TMEM50B: variants seen among roughly 807,000 people sequenced by gnomAD.
TMEM50B encodes transmembrane protein 50B.
TMEM50B carries 14 observed loss-of-function variants against 23.4 expected under a neutral mutation model. That is an observed-to-expected ratio of 0.60 (90% CI 0.39 to 0.93). The LOEUF (loss-of-function observed/expected upper bound fraction) is 0.93. Ranked by LOEUF, TMEM50B falls within the 40% of genes least tolerant of loss-of-function variation. The probability of loss-of-function intolerance (pLI) is 0.00; values close to 1 mark genes in which losing one functional copy is unlikely to be tolerated. For synonymous variants in TMEM50B, 64 were observed against 62.3 expected, an observed-to-expected ratio of 1.03 and a Z score of -0.13; for missense variants, 159 against 193.0, an observed-to-expected ratio of 0.82 and a Z score of 1.04.
At position 33,479,855 on chromosome 21, in the gene TMEM50B, C is replaced by T. The variant is rs1171761130; in HGVS notation, c.-59G>A. The T allele has an allele frequency of 6.6e-6, 1 of 152,342 alleles. No individual in the cohort carries two copies. The highest frequency in any genetic ancestry group is 2.4e-5 in the African/African-American group (1 of 41,568). The allele number at this position is 152,342 out of a possible 1,614,324, so 9.4% of individuals were successfully genotyped here. A position where few individuals can be genotyped will look rare whatever the true frequency, so the allele number is the denominator to read the frequency against. ...GGACTCACCCAGCTTCCTCAAACGC[C>T]CACGCCGACTTCAGGCGCGCGCGCA... On this transcript the variant is annotated 5_prime_UTR_variant, in exon 1 of 7. Transcript: ENST00000542230.
chr21:33,448,399 C>T (rs1219497030), downstream of TMEM50B, among the ~76,000 whole-genome samples: 3 of 152,120 alleles, frequency 2.0e-5, no homozygotes, highest in Non-Finnish European at 4.4e-5. Flanking sequence ...GTCAACCTAG[C>T]ACTTTGTGAG....
intron 8 of TMEM50B, chr21:33,436,725 AAAAAT>A: frequency 1.9e-5 from 18 of 964,564 alleles, no homozygotes; most frequent in South Asian, 6.4e-5. Context: ...ATCTCAAAAA[AAAAAT>A]AAAAATAAAA....
intron 6 of TMEM50B, 72 bp from the exon 7 acceptor site, chr21:33,450,935 TA>T: frequency 7.7e-7 from 1 of 1,292,456 alleles, no homozygotes. Context: ...ATTTTCTCAA[TA>T]TGCTTTGACA....
At chr21:33,473,681 C>G (rs1200528534) in intron 1 of TMEM50B, among the ~76,000 whole-genome samples, 1 of 149,812 alleles carries the variant, frequency 6.7e-6, no homozygotes. Flanking sequence ...AAGAAGGTGA[C>G]AGCAATTCTA....
At chr21:33,448,034 C>G (rs749296885), downstream of TMEM50B, among the ~76,000 whole-genome samples, 1 of 151,980 alleles carries the variant, frequency 6.6e-6, no homozygotes, top group Non-Finnish European at 1.5e-5. Context: ...GCTTTGTCAC[C>G]CAAGCTGGAG....
chr21:33,472,029 TA>T lies in TMEM50B; in HGVS notation c.-41-3104del, dbSNP rs34148632. On this transcript the variant is annotated intron_variant, in intron 1 of 6. Coordinates refer to ENST00000542230, the MANE Select transcript of TMEM50B (RefSeq NM_006134.7). ...CCTGGGCAACAGAGCGAGACTCCCC[TA>T]AAAAAAAAAAAAAAGAAAGAAAGAA... Among the ~76,000 whole-genome samples, 499 of 117,828 alleles carry T rather than the reference TA, an allele frequency of 4.2e-3. 4 individuals are homozygous for T. The highest frequency in any genetic ancestry group is 0.029 in the East Asian group (111 of 3,856). 77.3% of individuals were successfully genotyped at this position (117,828 alleles called of 152,430 possible). A position where few individuals can be genotyped will look rare whatever the true frequency, so the allele number is the denominator to read the frequency against.
intron 6 of TMEM50B, among the ~76,000 whole-genome samples, chr21:33,455,106 G>A (rs1404880235): frequency 2.0e-5 from 3 of 151,876 alleles, no homozygotes; most frequent in Non-Finnish European, 4.4e-5. Flanking sequence ...GCTACAGGGT[G>A]AGACTCCCTC....
chr21:33,443,323 T>C (rs544620666), intron 7 of TMEM50B, among the ~76,000 whole-genome samples: 2 of 149,664 alleles, frequency 1.3e-5, no homozygotes, highest in South Asian at 4.2e-4. Flanking sequence ...GTCCTCCAGA[T>C]CCAGACACTT....
chr21:33,449,194 A>T lies in TMEM50B; in HGVS notation c.*1624T>A, dbSNP rs2084094490. On this transcript the variant is annotated 3_prime_UTR_variant, in exon 7 of 7. Transcript: ENST00000542230. ...GGTTATGAGGTGGAAACAAATAATT[A>T]GTCTTACAATTTGCTAGAAGCATGA... 1.3e-5 allele frequency: 2 copies of T among 152,242 alleles called. No homozygotes were observed. The highest frequency in any genetic ancestry group is 4.8e-5 in the African/African-American group (2 of 41,464). 9.4% of individuals were successfully genotyped at this position (152,242 alleles called of 1,614,324 possible). A position where few individuals can be genotyped will look rare whatever the true frequency, so the allele number is the denominator to read the frequency against.
At chr21:33,479,712 G>A (rs1017990771) in intron 1 of TMEM50B, 126 bp downstream of exon 1, 3 of 152,428 alleles carry the variant, frequency 2.0e-5, no homozygotes, top group African/African-American at 7.2e-5. Context: ...AACCCGGCTG[G>A]ACGGCCCCAC....
At chr21:33,436,737 A>T (rs1006847638) in intron 8 of TMEM50B, 6 of 1,020,060 alleles carry the variant, frequency 5.9e-6, no homozygotes, top group African/African-American at 4.6e-5. Flanking sequence ...AAATAAAAAT[A>T]AAAATAAAAT....
intron 7 of TMEM50B, among the ~76,000 whole-genome samples, chr21:33,443,694 A>G (rs1324125160): frequency 6.6e-6 from 1 of 152,198 alleles, no homozygotes; most frequent in Non-Finnish European, 1.5e-5. Flanking sequence ...GGCACAAAGT[A>G]CTGTATCAAT....
chr21:33,460,992 A>G (rs1284784271), intron 4 of TMEM50B, among the ~76,000 whole-genome samples: 2 of 152,234 alleles, frequency 1.3e-5, no homozygotes, highest in Non-Finnish European at 2.9e-5. Flanking sequence ...GAGGCAGCCA[A>G]TCTGTACCAC....
At chr21:33,448,277 G>A (rs199774223), downstream of TMEM50B, among the ~76,000 whole-genome samples, 121 of 152,108 alleles carry the variant, frequency 8.0e-4, 1 homozygote, top group East Asian at 0.016. Context: ...ACAGGCGTGA[G>A]CCCCCACGCC....
At chr21:33,463,380 G>T (rs2084234590) in intron 4 of TMEM50B, among the ~76,000 whole-genome samples, 1 of 152,152 alleles carries the variant, frequency 6.6e-6, no homozygotes, top group Non-Finnish European at 1.5e-5. Context: ...GGTTTAAAAG[G>T]CTATGATACT....
At chr21:33,457,137 C>G (rs1375459100) in intron 5 of TMEM50B, among the ~76,000 whole-genome samples, 1 of 151,032 alleles carries the variant, frequency 6.6e-6, no homozygotes, top group African/African-American at 2.4e-5. Context: ...GGCTGTAATC[C>G]CAGCTACTTG....
At chr21:33,438,593 T>C (rs2083979450) in intron 8 of TMEM50B, among the ~76,000 whole-genome samples, 1 of 151,920 alleles carries the variant, frequency 6.6e-6, no homozygotes, top group Non-Finnish European at 1.5e-5. Flanking sequence ...AGGTCAGGAG[T>C]TCGAGACCAG....
chr21:33,434,612 T>TTAC (rs2083925649), intron 8 of TMEM50B, among the ~76,000 whole-genome samples: 1 of 152,152 alleles, frequency 6.6e-6, no homozygotes, highest in Admixed American at 6.6e-5. Context: ...AAGCAGAATG[T>TTAC]TACTCAGTTA....
Position 33,470,250 on chromosome 21 carries a change from T to C in TMEM50B, c.-41-1324A>G, listed in dbSNP as rs2084300831. Among the ~76,000 whole-genome samples the C allele has an allele frequency of 2.6e-5, 4 of 151,676 alleles. No individual in the cohort carries two copies. In the South Asian group the frequency reaches 8.3e-4, roughly 32 times the overall value. On this transcript the variant is annotated intron_variant, in intron 1 of 6. Transcript: ENST00000542230. ...ACTTCAGGAGGCCGAGGCGGGTGGATCATTTGAGGTCACGAGTTCATGACC... is the reference window on the plus strand; with the variant it reads ...ACTTCAGGAGGCCGAGGCGGGTGGACCATTTGAGGTCACGAGTTCATGACC...
Sources: gnomAD v4.1 joint callset for allele counts (sites outside exome capture counted in the v4.1 genomes callset) on GRCh38, gnomAD v4.1.1 for gene constraint, MANE v1.5 for transcripts, NCBI Gene and HGNC (gene_info 2026-07-23, HGNC 2026-07-21) for gene names.